Variants in UNC5A observed in about 807,000 individuals in gnomAD.
The protein encoded by UNC5A is unc-5 netrin receptor A.
In UNC5A, 20 loss-of-function variants were observed where a neutral mutation model predicts 87.4. The ratio of observed to expected loss-of-function variants is 0.23; its 90% CI spans 0.16 to 0.33. The LOEUF is 0.33. Ranked by LOEUF, UNC5A falls within the 10% of genes least tolerant of loss-of-function variation. The probability of loss-of-function intolerance (pLI) is 1.00; values close to 1 mark genes in which losing one functional copy is unlikely to be tolerated. For missense variants in UNC5A, 844 were observed against 1,133.4 expected (o/e 0.74, Z 3.67); for synonymous variants, 438 against 482.3 (o/e 0.91, Z 1.20).
chr5:176,865,713 G>A lies in UNC5A; in HGVS notation c.293-2417G>A, dbSNP rs561934458. 17 of 456,504 alleles carry A rather than the reference G, an allele frequency of 3.7e-5. No homozygotes were observed. Among genetic ancestry groups the A allele is most frequent in the South Asian group, 2.6e-4 (17 of 64,564 alleles). The allele number at this position is 456,504 out of a possible 1,614,324, so 28.3% of individuals were successfully genotyped here. On this transcript the variant is annotated intron_variant, in intron 2 of 14. Coordinates refer to ENST00000329542, the MANE Select transcript of UNC5A (RefSeq NM_133369.3). The surrounding 1 kb of genome is among the most constrained non-coding windows in gnomAD (Gnocchi z 5.3). ...GACCCCAAACCAGAAACGTTCTGTG[G>A]TCAGACAGGTATGGCAGGGCTCGGA...
chr5:176,853,361 A>G (rs905920702), intron 1 of UNC5A, among the ~76,000 whole-genome samples: 2 of 152,204 alleles, frequency 1.3e-5, no homozygotes, highest in African/African-American at 4.8e-5. Flanking sequence ...GCAAGGGACC[A>G]GCGGTGCCCC....
intron 1 of UNC5A, among the ~76,000 whole-genome samples, chr5:176,830,769 T>G (rs371506258): frequency 1.4e-5 from 2 of 140,900 alleles, no homozygotes; most frequent in South Asian, 4.7e-4. Context: ...TGTGTGTAGG[T>G]GTGTGTGTAC....
intron 1 of UNC5A, among the ~76,000 whole-genome samples, chr5:176,851,969 C>G (rs561012674): frequency 6.6e-6 from 1 of 152,342 alleles, no homozygotes; most frequent in Admixed American, 6.5e-5. Context: ...TGTCCTTGAG[C>G]TAGTCATCCC....
At chr5:176,817,719 G>A (rs1321982927) in intron 1 of UNC5A, among the ~76,000 whole-genome samples, 1 of 152,074 alleles carries the variant, frequency 6.6e-6, no homozygotes, top group Non-Finnish European at 1.5e-5. Context: ...GATCTGCGGG[G>A]CACGTGAGCT....
At chr5:176,864,873 C>T (rs1273640036) in intron 2 of UNC5A, 1 of 455,516 alleles carries the variant, frequency 2.2e-6, no homozygotes, top group African/African-American at 2.0e-5. Flanking sequence ...GGCACCAACA[C>T]CTCCCAGGAC....
chr5:176,842,950 T>C (rs1184472121), intron 1 of UNC5A, among the ~76,000 whole-genome samples: 1 of 151,024 alleles, frequency 6.6e-6, no homozygotes, highest in Non-Finnish European at 1.5e-5. Context: ...TCACCTGGGG[T>C]CAGGAGTTTG....
At position 176,868,777 on chromosome 5, in the gene UNC5A, C is replaced by T. The variant is rs777970031; in HGVS notation, c.541-7C>T. The T allele has an allele frequency of 1.9e-6, 3 of 1,595,196 alleles. 1 individual carries two copies. The South Asian group carries it at 3.3e-5, about 18-fold the overall frequency. ...CTGGCAGTACATGGCAGGGCTCCCT[C>T]CCCTAGGTGGAGTGGCTCCGGAACG... On this transcript the variant is annotated splice_region_variant and splice_polypyrimidine_tract_variant and intron_variant, in intron 4 of 14. Transcript: ENST00000329542.
chr5:176,862,124 C>T (rs974669258), intron 1 of UNC5A, among the ~76,000 whole-genome samples: 1 of 152,240 alleles, frequency 6.6e-6, no homozygotes, highest in Non-Finnish European at 1.5e-5. Context: ...GTGCCCACCC[C>T]GCATGTTATT....
In UNC5A at chr5:176,869,595, T is replaced by C; in HGVS notation, c.721+631T>C. ...GGACGCCCCCGCTCCCTGACCCCAG[T>C]CCTTCTCTGTCCGGCCAGTGAACGG... On this transcript the variant is annotated intron_variant, in intron 5 of 14. Coordinates refer to ENST00000329542, the MANE Select transcript of UNC5A (RefSeq NM_133369.3). The surrounding 1 kb of genome is among the most constrained non-coding windows in gnomAD (Gnocchi z 9.1). The C allele has an allele frequency of 1.4e-6, 1 of 696,618 alleles. No individual in the cohort carries two copies. The highest frequency in any genetic ancestry group is 2.6e-6 in the Non-Finnish European group (1 of 381,974). The allele number at this position is 696,618 out of a possible 1,614,324, so 43.2% of individuals were successfully genotyped here.
rs1476729970 is a variant in UNC5A, at chr5:176,869,768, C to T, written c.722-602C>T. ...AGAATGTCCAGAAAACAGCCTGCGC[C>T]ACCCTGTGCCCAGGTACCAGCGGCC... On this transcript the variant is annotated intron_variant, in intron 5 of 14. Transcript: ENST00000329542. The surrounding 1 kb of genome is among the most constrained non-coding windows in gnomAD (Gnocchi z 9.1). 1.6e-6 allele frequency: 1 copy of T among 607,170 alleles called. No homozygotes were observed. Among genetic ancestry groups the T allele is most frequent in the South Asian group, 1.8e-5 (1 of 55,476 alleles). The allele number at this position is 607,170 out of a possible 1,614,324, so 37.6% of individuals were successfully genotyped here. A position where few individuals can be genotyped will look rare whatever the true frequency, so the allele number is the denominator to read the frequency against.
chr5:176,818,909 T>A (rs574282337), intron 1 of UNC5A, among the ~76,000 whole-genome samples: 1 of 152,214 alleles, frequency 6.6e-6, no homozygotes, highest in Admixed American at 6.5e-5. Context: ...TCTTGTGGTG[T>A]TGGCTTTCCT....
intron 1 of UNC5A, among the ~76,000 whole-genome samples, chr5:176,817,196 C>T (rs1357611126): frequency 6.6e-6 from 1 of 152,064 alleles, no homozygotes; most frequent in Non-Finnish European, 1.5e-5. Flanking sequence ...CCGGGCCTCT[C>T]CCACACTGGG....
intron 1 of UNC5A, among the ~76,000 whole-genome samples, chr5:176,858,046 G>A (rs116686459): frequency 0.032 from 4,874 of 152,286 alleles, 91 homozygotes; most frequent in African/African-American, 0.056. Context: ...GTTCTCACAC[G>A]CCCGTCCGTC....
intron 1 of UNC5A, among the ~76,000 whole-genome samples, chr5:176,852,165 G>C (rs1205798808): frequency 6.6e-6 from 1 of 152,198 alleles, no homozygotes; most frequent in Non-Finnish European, 1.5e-5. Context: ...CTCAGAGCCT[G>C]CCTACCGCCC....
Position 176,880,761 on chromosome 5 carries a change from A to T in UNC5A, c.*875A>T, listed in dbSNP as rs1044840278. The T allele has an allele frequency of 8.5e-6, 2 of 235,568 alleles. No homozygotes were observed. The highest frequency in any genetic ancestry group is 4.6e-5 in the African/African-American group (2 of 43,718). The allele number at this position is 235,568 out of a possible 1,614,324, so 14.6% of individuals were successfully genotyped here. On this transcript the variant is annotated 3_prime_UTR_variant, in exon 15 of 15. Coordinates refer to ENST00000329542, the MANE Select transcript of UNC5A (RefSeq NM_133369.3). ...GCCCCACGCGGGGCCTGTCATGTGA[A>T]GCTCGTGTCCTGACTTTGTCTTAAG... is the stretch of plus-strand genomic sequence containing the variant.
chr5:176,861,077 T>C (rs1757825466), intron 1 of UNC5A, among the ~76,000 whole-genome samples: 1 of 152,172 alleles, frequency 6.6e-6, no homozygotes, highest in African/African-American at 2.4e-5. Flanking sequence ...CCAGCCTCCC[T>C]CTGCCATCCC....
chr5:176,842,508 T>G (rs1294165925), intron 1 of UNC5A, among the ~76,000 whole-genome samples: 1 of 151,788 alleles, frequency 6.6e-6, no homozygotes, highest in Non-Finnish European at 1.5e-5. Flanking sequence ...TATATATATA[T>G]ATGATGGAAT....
rs1757954374 is a variant in UNC5A at position 176,865,553 on chromosome 5, G to A, written c.293-2577G>A. The A allele has an allele frequency of 2.2e-6, 1 of 456,228 alleles. No individual in the cohort carries two copies. The highest frequency in any genetic ancestry group is 4.4e-6 in the Non-Finnish European group (1 of 226,584). 28.3% of individuals were successfully genotyped at this position (456,228 alleles called of 1,614,324 possible). A position where few individuals can be genotyped will look rare whatever the true frequency, so the allele number is the denominator to read the frequency against. The stretch of plus-strand genomic sequence containing the variant: ...GAGCATCCGACTCCAGCCTCCCATG[G>A]CCGGAACATCTGAACGTTCATTGAT... On this transcript the variant is annotated intron_variant, in intron 2 of 14. Coordinates refer to ENST00000329542, the MANE Select transcript of UNC5A (RefSeq NM_133369.3). This position sits in a 1 kb window ranked among gnomAD's most constrained non-coding sequence, Gnocchi z 5.3.
At chr5:176,830,779 C>T (rs1206965177) in intron 1 of UNC5A, among the ~76,000 whole-genome samples, 1 of 88,364 alleles carries the variant, frequency 1.1e-5, no homozygotes, top group Non-Finnish European at 2.2e-5. Context: ...TGTGTGTGTA[C>T]TGGCGTGTGT....
Sources: allele counts gnomAD v4.1 joint callset (sites outside exome capture counted in the v4.1 genomes callset), GRCh38; gene constraint gnomAD v4.1.1; non-coding constraint Gnocchi (gnomAD v3.1); transcripts MANE v1.5; gene names NCBI Gene and HGNC (gene_info 2026-07-23, HGNC 2026-07-21).